CCDC148: variants seen among roughly 807,000 people sequenced by gnomAD.
The protein encoded by CCDC148 is coiled-coil domain-containing protein 148.
CCDC148 carries 89 observed loss-of-function variants against 85.7 expected under a neutral mutation model. That is an observed-to-expected ratio of 1.04 (90% CI 0.87 to 1.24). CCDC148 has a LOEUF of 1.24. Ranked by LOEUF, CCDC148 falls within the 50% of genes most tolerant of loss-of-function variation. The pLI is 0.00. For missense variants in CCDC148, 692 were observed against 671.7 expected (o/e 1.03, Z -0.33); for synonymous variants, 230 against 213.9 (o/e 1.08, Z -0.66).
intron 10 of CCDC148, among the ~76,000 whole-genome samples, chr2:158,237,066 A>G (rs555545887): frequency 6.6e-6 from 1 of 152,136 alleles, no homozygotes; most frequent in South Asian, 2.1e-4. Flanking sequence ...TGCAGGAGTG[A>G]GTCATGCAGA....
At chr2:158,287,253 CCATAT>C (rs1690670328) in intron 9 of CCDC148, among the ~76,000 whole-genome samples, 2 of 152,100 alleles carry the variant, frequency 1.3e-5, no homozygotes, top group African/African-American at 2.4e-5. Context: ...CACAGCCATA[CCATAT>C]CATTCCACCC....
At chr2:158,367,423 T>G (rs1009824506) in intron 1 of CCDC148, among the ~76,000 whole-genome samples, 3 of 152,130 alleles carry the variant, frequency 2.0e-5, no homozygotes, top group Non-Finnish European at 4.4e-5. Flanking sequence ...TTTCTTTCAT[T>G]GGAGAGCCAG....
intron 1 of CCDC148, among the ~76,000 whole-genome samples, chr2:158,394,127 A>G (rs906805577): frequency 6.6e-6 from 1 of 152,118 alleles, no homozygotes; most frequent in Non-Finnish European, 1.5e-5. Flanking sequence ...ACTTACAACC[A>G]CTGTCCATCA....
intron 1 of CCDC148, among the ~76,000 whole-genome samples, chr2:158,410,732 TA>T (rs1433727385): frequency 2.6e-5 from 4 of 152,204 alleles, no homozygotes; most frequent in Non-Finnish European, 5.9e-5. Context: ...ATATTAGGGT[TA>T]AAATTTACAC....
intron 10 of CCDC148, among the ~76,000 whole-genome samples, chr2:158,229,385 T>G (rs1687737213): frequency 6.6e-6 from 1 of 152,188 alleles, no homozygotes; most frequent in African/African-American, 2.4e-5. Context: ...TCAGCTAAAG[T>G]GTCTAAAACA....
At chr2:158,396,095 A>T (rs554716051) in intron 1 of CCDC148, among the ~76,000 whole-genome samples, 26 of 152,218 alleles carry the variant, frequency 1.7e-4, no homozygotes, top group African/African-American at 4.8e-4. Flanking sequence ...TGAATGTTCC[A>T]AAATTTTTCC....
At chr2:158,441,388 T>G in intron 1 of CCDC148, among the ~76,000 whole-genome samples, 1 of 152,192 alleles carries the variant, frequency 6.6e-6, no homozygotes, top group East Asian at 1.9e-4. Flanking sequence ...TTTAAAATAA[T>G]ATTTTCTAAC....
chr2:158,183,265 G>A (rs138089422), intron 11 of CCDC148, among the ~76,000 whole-genome samples: 5 of 152,254 alleles, frequency 3.3e-5, no homozygotes, highest in African/African-American at 1.2e-4. Context: ...GGGACAGTAT[G>A]CTTTCATGTA....
At chr2:158,270,687 T>C (rs1321437831) in intron 9 of CCDC148, among the ~76,000 whole-genome samples, 2 of 152,232 alleles carry the variant, frequency 1.3e-5, no homozygotes, top group East Asian at 3.8e-4. Context: ...AGGATAGATT[T>C]CTCAAGTTCC....
chr2:158,393,546 C>T (rs1251409176), intron 1 of CCDC148, among the ~76,000 whole-genome samples: 2 of 152,076 alleles, frequency 1.3e-5, no homozygotes, highest in African/African-American at 4.8e-5. Context: ...TGAAGTAGTA[C>T]AAGCAAGCAA....
At chr2:158,305,001 C>T (rs1691614614) in intron 9 of CCDC148, among the ~76,000 whole-genome samples, 2 of 152,096 alleles carry the variant, frequency 1.3e-5, no homozygotes. Flanking sequence ...AATTTGCACC[C>T]ACTCTCAGGC....
intron 1 of CCDC148, among the ~76,000 whole-genome samples, chr2:158,429,135 G>A (rs13423534): frequency 0.046 from 6,947 of 149,990 alleles, 282 homozygotes; most frequent in African/African-American, 0.11. Context: ...GGGGCCTGTC[G>A]TGGGGTGGGG....
chr2:158,312,161 G>A (rs1002016698), intron 8 of CCDC148, among the ~76,000 whole-genome samples: 1 of 152,132 alleles, frequency 6.6e-6, no homozygotes, highest in Non-Finnish European at 1.5e-5. Context: ...GTATAATTAG[G>A]TAAACAGTAA....
At chr2:158,309,919 T>C (rs922039407) in intron 8 of CCDC148, among the ~76,000 whole-genome samples, 3 of 152,214 alleles carry the variant, frequency 2.0e-5, no homozygotes, top group African/African-American at 7.2e-5. Flanking sequence ...AAAACCACTT[T>C]ATTTTTTAAA....
chr2:158,203,409 G>C (rs1222581510), intron 11 of CCDC148, among the ~76,000 whole-genome samples: 3 of 151,906 alleles, frequency 2.0e-5, no homozygotes, highest in Non-Finnish European at 2.9e-5. Context: ...ACGATGTTTG[G>C]GCATCATCAC....
chr2:158,406,437 G>A (rs1212743090), intron 1 of CCDC148, among the ~76,000 whole-genome samples: 1 of 151,948 alleles, frequency 6.6e-6, no homozygotes, highest in East Asian at 1.9e-4. Flanking sequence ...AAAATGTCCT[G>A]TGGGCTAGTG....
intron 7 of CCDC148, among the ~76,000 whole-genome samples, chr2:158,322,557 C>T (rs184659628): frequency 3.3e-5 from 5 of 151,982 alleles, no homozygotes; most frequent in Middle Eastern, 3.4e-3. Flanking sequence ...TTAGTTTCTT[C>T]TCCAGTTTTC....
intron 9 of CCDC148, among the ~76,000 whole-genome samples, chr2:158,309,004 G>T (rs1486088540): frequency 6.6e-6 from 1 of 152,144 alleles, no homozygotes; most frequent in African/African-American, 2.4e-5. Flanking sequence ...CAGCAAGCTT[G>T]CCCCAATGTA....
chr2:158,312,573 C>A (rs1574603031), intron 8 of CCDC148, among the ~76,000 whole-genome samples: 2 of 84,174 alleles, frequency 2.4e-5, no homozygotes, highest in South Asian at 4.6e-4. Flanking sequence ...AGTGAGAATC[C>A]ATCTCAAAAA....
Sources: allele counts gnomAD v4.1 joint callset (sites outside exome capture counted in the v4.1 genomes callset), GRCh38; gene constraint gnomAD v4.1.1; transcripts MANE v1.5; gene names NCBI Gene and HGNC (gene_info 2026-07-23, HGNC 2026-07-21).